Variants in FDFT1 observed in about 807,000 individuals in gnomAD.
The protein encoded by FDFT1 is squalene synthase.
A neutral mutation model predicts 46.8 loss-of-function variants in FDFT1; 68 were observed. The observed-to-expected ratio is 1.45, with a 90% confidence interval of 1.19 to 1.78. FDFT1 has a LOEUF of 1.78. Among genes scored for constraint, FDFT1 ranks in the 40% most tolerant of loss-of-function variants. The probability of loss-of-function intolerance (pLI) is 0.00; values close to 1 mark genes in which losing one functional copy is unlikely to be tolerated. For missense variants in FDFT1, 928 were observed against 524.4 expected (o/e 1.77, Z -7.52); for synonymous variants, 351 against 185.1 (o/e 1.90, Z -7.28).
chr8:11,825,648 T>G (rs1463501363), intron 4 of FDFT1, among the ~76,000 whole-genome samples: 1 of 151,618 alleles, frequency 6.6e-6, no homozygotes, highest in Non-Finnish European at 1.5e-5. Context: ...GGTCCAGTAG[T>G]TTGAGTCTAA....
chr8:11,797,638 C>CAAAAAAAAAAAAAAAAAAAAAAA (rs34350077), upstream of FDFT1, among the ~76,000 whole-genome samples: 4 of 75,524 alleles, frequency 5.3e-5, no homozygotes, highest in Non-Finnish European at 7.0e-5. Flanking sequence ...CACACACACT[C>CAAAAAAAAAAAAAAAAAAAAAAA]AAAAAAAAAA....
intron 2 of FDFT1, 194 bp downstream of exon 2, chr8:11,809,085 C>A (rs1225331179): frequency 2.4e-6 from 3 of 1,258,990 alleles, no homozygotes; most frequent in East Asian, 3.0e-5. Context: ...AGAGTCCCTG[C>A]GGGCCCAGCC....
chr8:11,824,738 C>G (rs971699196), intron 4 of FDFT1, among the ~76,000 whole-genome samples: 1 of 151,414 alleles, frequency 6.6e-6, no homozygotes, highest in African/African-American at 2.4e-5. Context: ...TTCTTTTTTT[C>G]TGTTGTTGTT....
intron 1 of FDFT1, among the ~76,000 whole-genome samples, chr8:11,807,373 G>A (rs954104185): frequency 1.3e-5 from 2 of 152,046 alleles, no homozygotes; most frequent in Non-Finnish European, 2.9e-5. Flanking sequence ...ATGTTGCCCA[G>A]GCTGCCCTCA....
chr8:11,832,303 C>A (rs1234517531), intron 7 of FDFT1, among the ~76,000 whole-genome samples: 1 of 151,688 alleles, frequency 6.6e-6, no homozygotes, highest in Non-Finnish European at 1.5e-5. Context: ...TCCTGAAATC[C>A]CAGCACTTTG....
At chr8:11,800,359 C>T (rs934641425), upstream of FDFT1, among the ~76,000 whole-genome samples, 6 of 148,558 alleles carry the variant, frequency 4.0e-5, no homozygotes, top group Non-Finnish European at 1.5e-5. Flanking sequence ...CACTCGCCAG[C>T]AGTTTTGCCA....
At chr8:11,807,405 C>A (rs893590685) in intron 1 of FDFT1, among the ~76,000 whole-genome samples, 2 of 152,328 alleles carry the variant, frequency 1.3e-5, no homozygotes, top group East Asian at 1.9e-4. Flanking sequence ...TCAAGTGATT[C>A]TCCCACCTTG....
chr8:11,824,069 G>A (rs1809627956), intron 4 of FDFT1, among the ~76,000 whole-genome samples: 1 of 151,826 alleles, frequency 6.6e-6, no homozygotes, highest in Admixed American at 6.6e-5. Context: ...TGCTTTGTTG[G>A]CCAGGCTGGT....
intron 1 of FDFT1, among the ~76,000 whole-genome samples, chr8:11,796,995 C>G (rs553331279): frequency 6.6e-6 from 1 of 152,170 alleles, no homozygotes; most frequent in African/African-American, 2.4e-5. Context: ...TTTAATTGCA[C>G]GCAGATTAAA....
In FDFT1 at chr8:11,809,997, G is replaced by A. The variant is rs1807480187; in HGVS notation, c.381+147G>A. 1.5e-5 allele frequency: 9 copies of A among 589,308 alleles called. No homozygotes were observed. The South Asian group carries it at 2.0e-4, about 13-fold the overall frequency. 36.5% of individuals were successfully genotyped at this position (589,308 alleles called of 1,614,324 possible). Reference sequence around the variant, plus strand: ...GAGGGTTAAAAACTCCGGTAGCCAAGACTCTGAAGCCAGGCTGCCTGGGTT... The same window carrying A: ...GAGGGTTAAAAACTCCGGTAGCCAAAACTCTGAAGCCAGGCTGCCTGGGTT... On this transcript the variant is annotated intron_variant, in intron 3 of 7. Coordinates refer to ENST00000220584, the MANE Select transcript of FDFT1 (RefSeq NM_004462.5).
intron 6 of FDFT1, among the ~76,000 whole-genome samples, chr8:11,830,931 C>A (rs778711934): frequency 6.6e-6 from 1 of 152,192 alleles, no homozygotes; most frequent in Admixed American, 6.5e-5. Context: ...AAAGTAACAG[C>A]ATTTAACTGA....
At chr8:11,799,662 T>C (rs977554353), upstream of FDFT1, among the ~76,000 whole-genome samples, 1 of 152,200 alleles carries the variant, frequency 6.6e-6, no homozygotes, top group African/African-American at 2.4e-5. Context: ...AAATAGCACT[T>C]GTAGGCTGGG....
rs538072728 is a variant in FDFT1, at chr8:11,817,010, A to G, written c.382-4740A>G. 2.7e-4 allele frequency among the ~76,000 whole-genome samples: 41 copies of G among 152,330 alleles called. 1 individual carries two copies. In the South Asian group the frequency reaches 7.7e-3, roughly 28 times the overall value. On this transcript the variant is annotated intron_variant, in intron 3 of 7. Coordinates refer to ENST00000220584, the MANE Select transcript of FDFT1 (RefSeq NM_004462.5). ...GTATGATATTGGCTTTGGGTTTGTC[A>G]TAAATAGCTCCTTATTATTTTGAGA...
rs778093134 is a variant in FDFT1, at chr8:11,821,854, G to A, written c.486G>A (p.Val162=). 27 of 1,613,308 alleles carry A rather than the reference G, an allele frequency of 1.7e-5. No individual in the cohort carries two copies. Among genetic ancestry groups the A allele is most frequent in the Non-Finnish European group, 2.2e-5 (26 of 1,179,532 alleles). ...TGGCAGAGTTTTTGGATAAGCATGT[G>A]ACCTCTGAACAGGAGTGGGACAAGG... ...IGMAEFLDKH[V]TSEQEWDKYC... The change falls in exon 4 of 8, where the codon GTG becomes GTA. Residue 162 remains valine (V), a synonymous_variant. Coordinates refer to ENST00000220584, the MANE Select transcript of FDFT1 (RefSeq NM_004462.5).
intron 1 of FDFT1, chr8:11,808,328 C>G: frequency 8.1e-7 from 1 of 1,232,754 alleles, no homozygotes; most frequent in Non-Finnish European, 1.0e-6. Context: ...GTGAGAAGGG[C>G]AACAGCGGGA....
At chr8:11,833,105 C>T (rs1046460568) in intron 7 of FDFT1, among the ~76,000 whole-genome samples, 1 of 152,190 alleles carries the variant, frequency 6.6e-6, no homozygotes, top group East Asian at 1.9e-4. Flanking sequence ...GGGAAGACCA[C>T]ATCGCTTTTA....
chr8:11,800,412 G>C (rs2645433), upstream of FDFT1, among the ~76,000 whole-genome samples: 49,562 of 151,650 alleles, frequency 0.33, 8,950 homozygotes, highest in South Asian at 0.42. Flanking sequence ...TTTATAACCT[G>C]ACTCGTCCAC....
intron 3 of FDFT1, among the ~76,000 whole-genome samples, chr8:11,814,017 G>A (rs757065495): frequency 3.3e-5 from 5 of 152,168 alleles, no homozygotes; most frequent in African/African-American, 4.8e-5. Context: ...ATAAAAAGTC[G>A]TTGGAAGGAT....
intron 4 of FDFT1, among the ~76,000 whole-genome samples, chr8:11,822,386 G>A (rs913748747): frequency 3.3e-5 from 5 of 152,196 alleles, no homozygotes; most frequent in African/African-American, 9.6e-5. Flanking sequence ...TGGTCACTAC[G>A]TTAGTGTAGG....
Sources: gnomAD v4.1 joint callset for allele counts (sites outside exome capture counted in the v4.1 genomes callset) on GRCh38, gnomAD v4.1.1 for gene constraint, MANE v1.5 for transcripts, NCBI Gene and HGNC (gene_info 2026-07-23, HGNC 2026-07-21) for gene names.